The following STON2 variants were observed in gnomAD, a reference collection of about 807,000 sequenced individuals.
STON2 encodes stonin 2, also known as stonin-2.
Under a neutral mutation model 65.7 loss-of-function variants are expected in STON2, and 29 were observed. The observed-to-expected ratio is 0.44, with a 90% CI of 0.33 to 0.60. The LOEUF (loss-of-function observed/expected upper bound fraction) is 0.60, where lower values mean the gene tolerates loss of function less well. Among genes scored for constraint, STON2 ranks in the 20% least tolerant of loss-of-function variants. STON2 has a pLI of 0.03. For synonymous variants in STON2, 404 were observed against 414.2 expected (o/e 0.98, Z 0.30); for missense variants, 1,054 against 1,118.1 (o/e 0.94, Z 0.82).
At chr14:81,425,592 G>A (rs904799175) in intron 2 of STON2, among the ~76,000 whole-genome samples, 3 of 152,032 alleles carry the variant, frequency 2.0e-5, no homozygotes, top group Non-Finnish European at 4.4e-5. Flanking sequence ...AAGTAGGGAA[G>A]ATTGGTTAGT....
chr14:81,425,178 G>A (rs1224818460), intron 2 of STON2, among the ~76,000 whole-genome samples: 6 of 152,356 alleles, frequency 3.9e-5, no homozygotes, highest in Admixed American at 3.3e-4. Context: ...CTTTGAGAGT[G>A]AGAGTTTTTT....
chr14:81,374,506 G>A (rs1238070042), intron 3 of STON2, among the ~76,000 whole-genome samples: 1 of 152,140 alleles, frequency 6.6e-6, no homozygotes, highest in Non-Finnish European at 1.5e-5. Context: ...CAGGCAGAAT[G>A]AGATCTGCAA....
chr14:81,313,852 A>C (rs1220143456), intron 5 of STON2, among the ~76,000 whole-genome samples: 1 of 151,378 alleles, frequency 6.6e-6, no homozygotes, highest in Non-Finnish European at 1.5e-5. Flanking sequence ...AATGAAACAG[A>C]TCATTCATTA....
chr14:81,356,804 T>G (rs1158174738), intron 4 of STON2, among the ~76,000 whole-genome samples: 3 of 152,066 alleles, frequency 2.0e-5, no homozygotes, highest in African/African-American at 7.2e-5. Context: ...GTAGAGGTGT[T>G]TGTAGTATTC....
At chr14:81,345,031 AC>A (rs1242800369) in intron 4 of STON2, among the ~76,000 whole-genome samples, 1 of 152,180 alleles carries the variant, frequency 6.6e-6, no homozygotes, top group Non-Finnish European at 1.5e-5. Flanking sequence ...CCTCCTTATT[AC>A]ATCTGTGGGA....
At chr14:81,302,115 A>G (rs899847602) in intron 5 of STON2, among the ~76,000 whole-genome samples, 1 of 152,218 alleles carries the variant, frequency 6.6e-6, no homozygotes, top group African/African-American at 2.4e-5. Flanking sequence ...TGGGAGTAGT[A>G]GCCACTCTGG....
intron 6 of STON2, among the ~76,000 whole-genome samples, chr14:81,272,327 T>G (rs1894633297): frequency 6.6e-6 from 1 of 152,170 alleles, no homozygotes; most frequent in South Asian, 2.1e-4. Context: ...GAAGACCAAG[T>G]TTGCAGGGTG....
intron 5 of STON2, among the ~76,000 whole-genome samples, chr14:81,287,143 T>C (rs1027020859): frequency 6.6e-6 from 1 of 152,130 alleles, no homozygotes; most frequent in Non-Finnish European, 1.5e-5. Flanking sequence ...AGGGAGGAGT[T>C]AGTCATATCA....
chr14:81,371,082 G>C lies in STON2; in HGVS notation c.477C>G (p.Thr159=), dbSNP rs199692293. 6.2e-7 allele frequency: 1 copy of C among 1,614,028 alleles called. No homozygotes were observed. Among genetic ancestry groups the C allele is most frequent in the South Asian group, 1.1e-5 (1 of 91,078 alleles). ...ESSWTTHSED[T]SSPSFGCSYT... is the part of the protein sequence containing the mutation. ...ACGAACATCCAAAGCTAGGACTGCTGGTGTCTTCAGAATGGGTGGTCCAGC... is the reference window on the plus strand; with the variant it reads ...ACGAACATCCAAAGCTAGGACTGCTCGTGTCTTCAGAATGGGTGGTCCAGC... Residue 159 remains threonine, a synonymous_variant, in exon 4 of 8, where the codon ACC becomes ACG. Transcript: ENST00000614646.
At chr14:81,361,556 T>C (rs1255771505) in intron 4 of STON2, among the ~76,000 whole-genome samples, 2 of 151,744 alleles carry the variant, frequency 1.3e-5, no homozygotes, top group Non-Finnish European at 2.9e-5. Flanking sequence ...TGGAAGAAAA[T>C]ATAAGGGAAA....
intron 2 of STON2, among the ~76,000 whole-genome samples, chr14:81,414,999 G>A (rs1458930606): frequency 6.6e-6 from 1 of 152,058 alleles, no homozygotes; most frequent in Non-Finnish European, 1.5e-5. Context: ...AGGGCTCTGG[G>A]AACAAAGTCA....
At chr14:81,376,629 T>TTA (rs1339135363) in intron 3 of STON2, among the ~76,000 whole-genome samples, 1 of 152,148 alleles carries the variant, frequency 6.6e-6, no homozygotes, top group Admixed American at 6.6e-5. Flanking sequence ...TTTTATAAGG[T>TTA]TAGCATTTGT....
intron 5 of STON2, among the ~76,000 whole-genome samples, chr14:81,307,671 C>T (rs1380381746): frequency 1.3e-5 from 2 of 152,214 alleles, no homozygotes; most frequent in African/African-American, 4.8e-5. Flanking sequence ...CAGACAACCC[C>T]TCCTCTTCCT....
At chr14:81,432,357 G>A (rs1337356824) in intron 1 of STON2, among the ~76,000 whole-genome samples, 2 of 152,024 alleles carry the variant, frequency 1.3e-5, no homozygotes, top group Non-Finnish European at 2.9e-5. Context: ...GCCAAACCAT[G>A]GACAATCTTG....
rs1900309306 is a variant in STON2 at position 81,396,137 on chromosome 14, C to G, written c.130G>C (p.Asp44His). Reference protein sequence around the residue: ...EHLPGLSSSPDQSESSSGENH... With the variant: ...EHLPGLSSSPHQSESSSGENH... ...TCCCCGGAGGAGCTCTCGGACTGGT[C>G]TGGGGAAGATGACAGTCCTGGGAGG... is the stretch of plus-strand genomic sequence containing the variant. The change falls in exon 3 of 8, where the codon GAC becomes CAC. Residue 44 changes from aspartate to histidine, a missense_variant. Coordinates refer to ENST00000614646, the MANE Select transcript of STON2 (RefSeq NM_001394390.1). The G allele has an allele frequency of 6.2e-7, 1 of 1,613,968 alleles. No homozygotes were observed. The highest frequency in any genetic ancestry group is 8.5e-7 in the Non-Finnish European group (1 of 1,179,948).
chr14:81,267,997 C>A lies in STON2; in HGVS notation c.*417G>T. The A allele has an allele frequency of 1.0e-6, 1 of 987,078 alleles. No homozygotes were observed. Among genetic ancestry groups the A allele is most frequent in the Non-Finnish European group, 1.2e-6 (1 of 831,106 alleles). The allele number at this position is 987,078 out of a possible 1,614,324, so 61.1% of individuals were successfully genotyped here. A position where few individuals can be genotyped will look rare whatever the true frequency, so the allele number is the denominator to read the frequency against. On this transcript the variant is annotated 3_prime_UTR_variant, in exon 8 of 8. Transcript: ENST00000614646. ...TTCTTAATTAACTTCTCAAGACTGC[C>A]TTTGCCAGAAAGTTATGCGAGTGAC...
At chr14:81,426,475 C>A (rs1047307183) in intron 2 of STON2, among the ~76,000 whole-genome samples, 1 of 152,146 alleles carries the variant, frequency 6.6e-6, no homozygotes, top group Admixed American at 6.5e-5. Context: ...TAGGGACCCC[C>A]CACACAGATG....
At chr14:81,402,495 A>G (rs1900655834), upstream of STON2, among the ~76,000 whole-genome samples, 1 of 152,142 alleles carries the variant, frequency 6.6e-6, no homozygotes, top group Non-Finnish European at 1.5e-5. Flanking sequence ...GACTTCTGAG[A>G]GCTTGAGCTA....
At chr14:81,285,606 G>A (rs1017148874) in intron 5 of STON2, among the ~76,000 whole-genome samples, 1 of 152,156 alleles carries the variant, frequency 6.6e-6, no homozygotes, top group Non-Finnish European at 1.5e-5. Context: ...TTTAATGGAT[G>A]AGGAGTTGCA....
Sources: gnomAD v4.1 joint callset for allele counts (sites outside exome capture counted in the v4.1 genomes callset) on GRCh38, gnomAD v4.1.1 for gene constraint, MANE v1.5 for transcripts, NCBI Gene and HGNC (gene_info 2026-07-23, HGNC 2026-07-21) for gene names.